The following TNS3 variants were observed in gnomAD, a reference collection of about 807,000 sequenced individuals.
TNS3 encodes the protein tensin-3.
TNS3 carries 45 observed loss-of-function variants against 140.9 expected under a neutral mutation model. The observed-to-expected ratio is 0.32, with a 90% CI of 0.25 to 0.41. The LOEUF (loss-of-function observed/expected upper bound fraction) is 0.41, where lower values mean the gene tolerates loss of function less well. TNS3 is among the 10% of genes least tolerant of loss of function. The probability of loss-of-function intolerance (pLI) is 1.00; values close to 1 mark genes in which losing one functional copy is unlikely to be tolerated. For missense variants in TNS3, 1,716 were observed against 1,906.7 expected, an observed-to-expected ratio of 0.90 and a Z score of 1.86; for synonymous variants, 815 against 788.4, an observed-to-expected ratio of 1.03 and a Z score of -0.56.
At chr7:47,437,188 G>A in intron 7 of TNS3, 75 bp downstream of exon 7, 2 of 991,944 alleles carry the variant, frequency 2.0e-6, no homozygotes, top group African/African-American at 1.7e-5. Flanking sequence ...AAGACTAGTA[G>A]CAAATTATTT....
chr7:47,482,759 A>G (rs1797469540), intron 3 of TNS3, among the ~76,000 whole-genome samples: 1 of 152,168 alleles, frequency 6.6e-6, no homozygotes, highest in Non-Finnish European at 1.5e-5. Context: ...AAAATGAGCT[A>G]TGAAGGCAGG....
chr7:47,347,694 C>CA (rs1789426550), intron 17 of TNS3, among the ~76,000 whole-genome samples: 1 of 152,254 alleles, frequency 6.6e-6, no homozygotes, highest in Admixed American at 6.5e-5. Flanking sequence ...TCCTTCCAAG[C>CA]AACCTTCCAC....
Position 47,415,219 on chromosome 7 carries a change from C to G in TNS3, c.474-13G>C. The G allele has an allele frequency of 6.3e-7, 1 of 1,588,726 alleles. No homozygotes were observed. Among genetic ancestry groups the G allele is most frequent in the South Asian group, 1.1e-5 (1 of 88,402 alleles). ...GAACTGAACATACCTGCAAAACGGA[C>G]AGCTGGGTTACACTTCCCAGAAGTG... is the stretch of plus-strand genomic sequence containing the variant. On this transcript the variant is annotated splice_polypyrimidine_tract_variant and intron_variant, in intron 10 of 30. Transcript: ENST00000311160.
At chr7:47,533,150 T>G (rs1482102064) in intron 1 of TNS3, among the ~76,000 whole-genome samples, 4 of 89,554 alleles carry the variant, frequency 4.5e-5, no homozygotes, top group Non-Finnish European at 8.7e-5. Flanking sequence ...TTTTTTTTTT[T>G]GAGACAGAGT....
chr7:47,389,822 T>A (rs1017134125), intron 16 of TNS3, among the ~76,000 whole-genome samples: 10 of 152,186 alleles, frequency 6.6e-5, no homozygotes, highest in Admixed American at 4.6e-4. Context: ...GCTTGCTGCC[T>A]CAATTCACAA....
intron 3 of TNS3, among the ~76,000 whole-genome samples, chr7:47,503,677 AG>A (rs1798309683): frequency 6.6e-6 from 1 of 152,166 alleles, no homozygotes; most frequent in Non-Finnish European, 1.5e-5. Context: ...TTTTTTATGC[AG>A]GAAGAAAGTG....
At chr7:47,411,654 A>C in intron 13 of TNS3, 73 bp downstream of exon 13, 1 of 1,469,312 alleles carries the variant, frequency 6.8e-7, no homozygotes, top group South Asian at 1.2e-5. Flanking sequence ...TTTAACACAG[A>C]ATCATGATTT....
intron 20 of TNS3, among the ~76,000 whole-genome samples, chr7:47,320,274 C>G (rs112844339): frequency 1.3e-5 from 2 of 152,248 alleles, no homozygotes; most frequent in African/African-American, 4.8e-5. Context: ...GGGAAACACA[C>G]GCACCACCCA....
At chr7:47,366,249 C>T (rs183485625) in intron 17 of TNS3, among the ~76,000 whole-genome samples, 48 of 152,286 alleles carry the variant, frequency 3.2e-4, no homozygotes, top group African/African-American at 1.1e-3. Flanking sequence ...GACTGCTACC[C>T]TGCTGTGGTG....
At chr7:47,518,337 C>A (rs929294093) in intron 2 of TNS3, among the ~76,000 whole-genome samples, 6 of 152,110 alleles carry the variant, frequency 3.9e-5, no homozygotes, top group Non-Finnish European at 7.3e-5. Context: ...TGTCATAGGG[C>A]GGCCATCTCC....
intron 23 of TNS3, among the ~76,000 whole-genome samples, chr7:47,298,164 C>T (rs1343747611): frequency 6.6e-6 from 1 of 152,178 alleles, no homozygotes; most frequent in East Asian, 1.9e-4. Context: ...AATACAAATT[C>T]CAAGATTCAC....
At chr7:47,304,474 G>T (rs549675091) in intron 21 of TNS3, among the ~76,000 whole-genome samples, 41 of 152,338 alleles carry the variant, frequency 2.7e-4, no homozygotes, top group African/African-American at 9.6e-4. Flanking sequence ...TCTCACGTAT[G>T]AATGTCCTCA....
At chr7:47,507,550 T>C (rs1189173338) in intron 2 of TNS3, among the ~76,000 whole-genome samples, 1 of 152,154 alleles carries the variant, frequency 6.6e-6, no homozygotes, top group Non-Finnish European at 1.5e-5. Context: ...GGAGAATCCT[T>C]CCAGAGGGGC....
At chr7:47,472,873 G>C (rs1240849156) in intron 4 of TNS3, among the ~76,000 whole-genome samples, 2 of 152,186 alleles carry the variant, frequency 1.3e-5, no homozygotes, top group African/African-American at 4.8e-5. Flanking sequence ...TGTTCAGGAC[G>C]CAGCAGCTGG....
In TNS3 at chr7:47,427,123, CAAAA is replaced by C. The variant is rs61383259; in HGVS notation, c.389+1185_389+1188del. ...CCTGGGCAACGAAGCAAGACTCTGT[CAAAA>C]AAAAAAAAAAAAAAAAAACAGAAGT... On this transcript the variant is annotated intron_variant, in intron 9 of 30. Coordinates refer to ENST00000311160, the MANE Select transcript of TNS3 (RefSeq NM_022748.12). 4.6e-3 allele frequency among the ~76,000 whole-genome samples: 491 copies of C among 106,802 alleles called. 9 individuals are homozygous for C. The highest frequency in any genetic ancestry group is 0.031 in the Admixed American group (293 of 9,526). The allele number at this position is 106,802 out of a possible 152,430, so 70.1% of individuals were successfully genotyped here. A position where few individuals can be genotyped will look rare whatever the true frequency, so the allele number is the denominator to read the frequency against.
At chr7:47,300,670 G>A (rs933698802) in intron 23 of TNS3, among the ~76,000 whole-genome samples, 5 of 152,198 alleles carry the variant, frequency 3.3e-5, no homozygotes, top group Non-Finnish European at 5.9e-5. Context: ...CCTAGAAGAC[G>A]GCACCAATAG....
chr7:47,393,407 G>A (rs1007484420), intron 16 of TNS3, among the ~76,000 whole-genome samples: 3 of 152,186 alleles, frequency 2.0e-5, no homozygotes, highest in African/African-American at 4.8e-5. Context: ...GTGCTTGTCT[G>A]TAACTCAGGA....
chr7:47,543,317 A>G (rs1799839826), intron 1 of TNS3, among the ~76,000 whole-genome samples: 1 of 152,140 alleles, frequency 6.6e-6, no homozygotes, highest in African/African-American at 2.4e-5. Flanking sequence ...AAACATCTTC[A>G]CACCTGTTCC....
chr7:47,304,968 C>T lies in TNS3; in HGVS notation c.2686G>A (p.Val896Met). The change falls in exon 21 of 31, where the codon GTG becomes ATG. Residue 896 changes from valine to methionine, a missense_variant. By Grantham distance (21) the Val-to-Met change is conservative. Transcript: ENST00000311160. Reference sequence around the variant, plus strand: ...CCGATGGGGCTCTCTGACATCCCCACAGCGTGAGTGAGCGTCTCAGGGCAG... The same window carrying T: ...CCGATGGGGCTCTCTGACATCCCCATAGCGTGAGTGAGCGTCTCAGGGCAG... ...RSCPETLTHA[V>M]GMSESPIGPK... 1.4e-6 allele frequency: 2 copies of T among 1,406,434 alleles called. No individual in the cohort carries two copies. Among genetic ancestry groups the T allele is most frequent in the Non-Finnish European group, 1.9e-6 (2 of 1,066,764 alleles). The allele number at this position is 1,406,434 out of a possible 1,614,324, so 87.1% of individuals were successfully genotyped here.
Sources: allele counts gnomAD v4.1 joint callset (sites outside exome capture counted in the v4.1 genomes callset), GRCh38; gene constraint gnomAD v4.1.1; transcripts MANE v1.5; gene names NCBI Gene and HGNC (gene_info 2026-07-23, HGNC 2026-07-21).